Variants in DCDC1 observed in about 807,000 individuals in gnomAD.
The protein encoded by DCDC1 is doublecortin domain-containing protein 1.
Under a neutral mutation model 178.3 loss-of-function variants are expected in DCDC1, and 200 were observed. The observed-to-expected ratio is 1.12, with a 90% CI of 1.00 to 1.26. The LOEUF is 1.26. Ranked by LOEUF, DCDC1 falls within the 50% of genes most tolerant of loss-of-function variation. The pLI is 0.00. For missense variants in DCDC1, 1,983 were observed against 1,749.2 expected, an observed-to-expected ratio of 1.13 and a Z score of -2.38; for synonymous variants, 690 against 604.8, an observed-to-expected ratio of 1.14 and a Z score of -2.07.
rs749499185 is a variant in DCDC1, at chr11:31,305,569, C to A, written c.754+46G>T. 9 of 1,592,452 alleles carry A rather than the reference C, an allele frequency of 5.7e-6. No individual in the cohort carries two copies. The African/African-American group carries it at 9.5e-5, about 17-fold the overall frequency. ...TCATTTTTTAATTGCACCCCTTAAG[C>A]AATTCAGTATGTGTGGGGGTAGGGT... On this transcript the variant is annotated intron_variant, in intron 6 of 38. Transcript: ENST00000684477.
At chr11:31,296,345 C>T (rs1290749497) in intron 6 of DCDC1, among the ~76,000 whole-genome samples, 2 of 152,116 alleles carry the variant, frequency 1.3e-5, no homozygotes, top group African/African-American at 2.4e-5. Flanking sequence ...CACTTTTAAA[C>T]CCATACTTCA....
chr11:31,259,668 C>T (rs1944651933), intron 8 of DCDC1, among the ~76,000 whole-genome samples: 1 of 152,170 alleles, frequency 6.6e-6, no homozygotes, highest in African/African-American at 2.4e-5. Flanking sequence ...AGACAGAAGA[C>T]AGTGTGCACT....
rs570338139 is a variant in DCDC1 at position 31,230,186 on chromosome 11, C to T, written c.1221+11264G>A. On this transcript the variant is annotated intron_variant, in intron 9 of 38. Coordinates refer to ENST00000684477, the MANE Select transcript of DCDC1 (RefSeq NM_001387274.1). ...GGATACAAAATTAACGCACAAAAAT[C>T]GGTTGCATTTCTATATACTAAGAAT... is the stretch of plus-strand genomic sequence containing the variant. Among the ~76,000 whole-genome samples the T allele has an allele frequency of 4.6e-5, 7 of 151,896 alleles. No homozygotes were observed. In the South Asian group the frequency reaches 6.2e-4, roughly 14 times the overall value.
chr11:30,998,092 G>A (rs1258839890), intron 20 of DCDC1, among the ~76,000 whole-genome samples: 1 of 151,960 alleles, frequency 6.6e-6, no homozygotes, highest in Non-Finnish European at 1.5e-5. Flanking sequence ...CCAGGAGGTC[G>A]AGACCAGTCT....
At position 31,036,630 on chromosome 11, in the gene DCDC1, T is replaced by C. The variant is rs184030213; in HGVS notation, c.2591+27839A>G. Among the ~76,000 whole-genome samples the C allele has an allele frequency of 1.1e-3, 164 of 152,322 alleles. 1 individual carries two copies. Among genetic ancestry groups the C allele is most frequent in the Admixed American group, 0.011 (161 of 15,304 alleles). On this transcript the variant is annotated intron_variant, in intron 20 of 38. Transcript: ENST00000684477. Reference sequence around the variant, plus strand: ...AAATCAATGTGCACTTGTCCCTTGGTATTCATGGTGGATTGGTTCCTGGAC... The same window carrying C: ...AAATCAATGTGCACTTGTCCCTTGGCATTCATGGTGGATTGGTTCCTGGAC...
intron 9 of DCDC1, among the ~76,000 whole-genome samples, chr11:31,141,028 G>A (rs1234265782): frequency 1.3e-5 from 2 of 152,030 alleles, no homozygotes; most frequent in Non-Finnish European, 2.9e-5. Flanking sequence ...GCTCTCTTAT[G>A]GACATCCTAG....
chr11:30,868,645 G>A (rs1590163003), intron 38 of DCDC1, among the ~76,000 whole-genome samples: 1 of 152,172 alleles, frequency 6.6e-6, no homozygotes, highest in Admixed American at 6.5e-5. Context: ...AGAGTAGACA[G>A]AGGATGTGAG....
intron 10 of DCDC1, among the ~76,000 whole-genome samples, chr11:31,130,166 T>C (rs76077700): frequency 2.2e-3 from 334 of 152,302 alleles, no homozygotes; most frequent in African/African-American, 7.5e-3. Context: ...TCCTCTCTTA[T>C]ATCCAAGTCC....
intron 2 of DCDC1, among the ~76,000 whole-genome samples, chr11:31,333,156 G>C (rs1950089789): frequency 6.6e-6 from 1 of 151,914 alleles, no homozygotes; most frequent in African/African-American, 2.4e-5. Context: ...TGTCTCTTTT[G>C]ATCTTTGTTG....
chr11:31,006,638 A>G (rs1389331553), intron 20 of DCDC1, among the ~76,000 whole-genome samples: 1 of 152,212 alleles, frequency 6.6e-6, no homozygotes, highest in Non-Finnish European at 1.5e-5. Flanking sequence ...ATAAGATGGC[A>G]GTGAGAATGT....
intron 36 of DCDC1, among the ~76,000 whole-genome samples, chr11:30,885,330 T>G (rs1943066514): frequency 6.6e-6 from 1 of 151,686 alleles, no homozygotes; most frequent in Non-Finnish European, 1.5e-5. Flanking sequence ...CTCAGAATGA[T>G]AAAGGACTAT....
At chr11:31,033,674 T>C (rs1953821277) in intron 20 of DCDC1, among the ~76,000 whole-genome samples, 2 of 152,168 alleles carry the variant, frequency 1.3e-5, no homozygotes, top group Admixed American at 1.3e-4. Context: ...TTATGCACTT[T>C]ATAACAACCA....
At chr11:31,212,661 G>A (rs1972714549) in intron 9 of DCDC1, among the ~76,000 whole-genome samples, 3 of 152,036 alleles carry the variant, frequency 2.0e-5, no homozygotes, top group South Asian at 2.1e-4. Context: ...TAAAAATGAC[G>A]ATGCAAGAAA....
intron 20 of DCDC1, among the ~76,000 whole-genome samples, chr11:31,005,512 T>C (rs1951789443): frequency 6.6e-6 from 1 of 152,208 alleles, no homozygotes. Flanking sequence ...TTTCCATTCA[T>C]TTCAATTCAA....
chr11:30,896,291 T>G (rs1165967485), intron 34 of DCDC1, among the ~76,000 whole-genome samples: 3 of 152,214 alleles, frequency 2.0e-5, no homozygotes, highest in African/African-American at 7.2e-5. Context: ...TAGCTAACTA[T>G]TAATGAGGCA....
At chr11:30,913,233 C>A (rs1469888800) in intron 27 of DCDC1, among the ~76,000 whole-genome samples, 1 of 151,974 alleles carries the variant, frequency 6.6e-6, no homozygotes, top group Non-Finnish European at 1.5e-5. Context: ...ACGATGAAAC[C>A]CTGTCTCTAC....
rs1358712866 is a variant in DCDC1, at chr11:31,092,001, T to C, written c.2119-490A>G. Reference sequence around the variant, plus strand: ...TTGTGAACTGCTTTTATTTTAAATGTTAGGATTTTCTGCCAAGGAAATTAA... The same window carrying C: ...TTGTGAACTGCTTTTATTTTAAATGCTAGGATTTTCTGCCAAGGAAATTAA... On this transcript the variant is annotated intron_variant, in intron 16 of 38. Transcript: ENST00000684477. Among the ~76,000 whole-genome samples, 3 of 152,306 alleles carry C rather than the reference T, an allele frequency of 2.0e-5. No homozygotes were observed. In the East Asian group the frequency reaches 5.8e-4, roughly 29 times the overall value.
chr11:31,127,735 G>C (rs1961851693), intron 10 of DCDC1, 96 bp from the exon 11 acceptor site: 1 of 636,746 alleles, frequency 1.6e-6, no homozygotes, highest in Non-Finnish European at 2.8e-6. Context: ...GGGGGAAAAT[G>C]ACTTCAATAC....
chr11:31,169,045 A>G (rs1966885467), intron 9 of DCDC1, among the ~76,000 whole-genome samples: 1 of 152,172 alleles, frequency 6.6e-6, no homozygotes, highest in Non-Finnish European at 1.5e-5. Flanking sequence ...GTGGAACACT[A>G]GGCAGCCATA....
Sources: gnomAD v4.1 joint callset for allele counts (sites outside exome capture counted in the v4.1 genomes callset) on GRCh38, gnomAD v4.1.1 for gene constraint, MANE v1.5 for transcripts, NCBI Gene and HGNC (gene_info 2026-07-23, HGNC 2026-07-21) for gene names.